ITGA9: variants seen among roughly 807,000 people sequenced by gnomAD.
ITGA9 encodes the protein integrin alpha-9.
A neutral mutation model predicts 127.8 loss-of-function variants in ITGA9; 56 were observed. That is an observed-to-expected ratio of 0.44 (90% CI 0.35 to 0.55). The LOEUF (loss-of-function observed/expected upper bound fraction) is 0.55. ITGA9 is among the 20% of genes least tolerant of loss of function. ITGA9 has a pLI of 0.00. For missense variants in ITGA9, 1,196 were observed against 1,347.1 expected (o/e 0.89, Z 1.76); for synonymous variants, 508 against 514.5 (o/e 0.99, Z 0.17).
intron 15 of ITGA9, among the ~76,000 whole-genome samples, chr3:37,571,655 T>G (rs1256996067): frequency 6.6e-6 from 1 of 152,152 alleles, no homozygotes; most frequent in Non-Finnish European, 1.5e-5. Context: ...AAGCACTTTC[T>G]GGAGATATTG....
chr3:37,541,574 A>G (rs1575143754), intron 14 of ITGA9, among the ~76,000 whole-genome samples: 1 of 151,798 alleles, frequency 6.6e-6, no homozygotes, highest in Middle Eastern at 3.4e-3. Flanking sequence ...TCTTTTTTTT[A>G]AATTCAAGAC....
chr3:37,481,711 C>T, intron 4 of ITGA9, 104 bp downstream of exon 4: 1 of 1,456,886 alleles, frequency 6.9e-7, no homozygotes, highest in South Asian at 1.1e-5. Context: ...CAGCTTTCCA[C>T]ATGCTCATGA....
rs950917011 is a variant in ITGA9, at chr3:37,570,669, T to G, written c.1689+28084T>G. Among the ~76,000 whole-genome samples, 8 of 152,206 alleles carry G rather than the reference T, an allele frequency of 5.3e-5. 1 individual carries two copies. In the South Asian group the frequency reaches 6.2e-4, roughly 12 times the overall value. The stretch of plus-strand genomic sequence containing the variant: ...ATTGCAAACTTTGACATGTGAGAGT[T>G]TCCAGAAATACAGAGATTCTTATTT... On this transcript the variant is annotated intron_variant, in intron 15 of 27. Coordinates refer to ENST00000264741, the MANE Select transcript of ITGA9 (RefSeq NM_002207.3).
At chr3:37,604,134 C>T (rs1699946474) in intron 15 of ITGA9, among the ~76,000 whole-genome samples, 1 of 152,226 alleles carries the variant, frequency 6.6e-6, no homozygotes, top group African/African-American at 2.4e-5. Context: ...CTCCTCATCA[C>T]ACTGCACAGC....
Position 37,818,452 on chromosome 3 carries a change from A to G in ITGA9, c.3010-439A>G, listed in dbSNP as rs544606140. The G allele has an allele frequency of 4.8e-4, 88 of 184,466 alleles. No homozygotes were observed. In the South Asian group the frequency reaches 8.3e-3, roughly 17 times the overall value. 11.4% of individuals were successfully genotyped at this position (184,466 alleles called of 1,614,324 possible). On this transcript the variant is annotated intron_variant, in intron 27 of 27. Coordinates refer to ENST00000264741, the MANE Select transcript of ITGA9 (RefSeq NM_002207.3). Reference sequence around the variant, plus strand: ...TAATTTTTGTATTTTTAGTAGAGACAGGGTTTCACCATGTTGGCCAGGCTG... The same window carrying G: ...TAATTTTTGTATTTTTAGTAGAGACGGGGTTTCACCATGTTGGCCAGGCTG...
chr3:37,494,168 C>G (rs1453858089), intron 4 of ITGA9, among the ~76,000 whole-genome samples: 1 of 152,186 alleles, frequency 6.6e-6, no homozygotes, highest in Non-Finnish European at 1.5e-5. Context: ...CTTGGGCCTG[C>G]AAGGGATCTC....
Position 37,752,046 on chromosome 3 carries a change from C to T in ITGA9, c.2541+1477C>T, listed in dbSNP as rs17036895. ...GACAACAAGAGTAGAAGCATAAAAG[C>T]GAGTGCATGAGGTGCTGTAGTGAAG... On this transcript the variant is annotated intron_variant, in intron 23 of 27. Coordinates refer to ENST00000264741, the MANE Select transcript of ITGA9 (RefSeq NM_002207.3). Among the ~76,000 whole-genome samples, 8 of 152,266 alleles carry T rather than the reference C, an allele frequency of 5.3e-5. No individual in the cohort carries two copies. The East Asian group carries it at 5.8e-4, about 11-fold the overall frequency.
intron 15 of ITGA9, 140 bp downstream of exon 15, chr3:37,542,725 C>A: frequency 1.1e-6 from 1 of 892,998 alleles, no homozygotes; most frequent in Non-Finnish European, 1.8e-6. Flanking sequence ...TCCATTTCTT[C>A]TTTTCTTTTA....
At chr3:37,477,984 A>G (rs1396808223) in intron 3 of ITGA9, among the ~76,000 whole-genome samples, 1 of 151,606 alleles carries the variant, frequency 6.6e-6, no homozygotes, top group Non-Finnish European at 1.5e-5. Flanking sequence ...GATTTTTTTT[A>G]AAGTGAACTT....
At chr3:37,726,572 A>T (rs10212288) in intron 18 of ITGA9, among the ~76,000 whole-genome samples, 186 of 152,306 alleles carry the variant, frequency 1.2e-3, no homozygotes, top group African/African-American at 4.2e-3. Context: ...CACGTTACAA[A>T]CAGGGCTGTA....
intron 23 of ITGA9, 59 bp from the exon 24 acceptor site, chr3:37,777,333 C>G: frequency 1.2e-6 from 2 of 1,601,248 alleles, no homozygotes; most frequent in South Asian, 1.1e-5. Context: ...ATAAGAGGCT[C>G]CAGCATCATG....
At position 37,629,119 on chromosome 3, in the gene ITGA9, A is replaced by G. The variant is rs1423413833; in HGVS notation, c.1690-68A>G. On this transcript the variant is annotated intron_variant, in intron 15 of 27. Transcript: ENST00000264741. The surrounding 1 kb of genome is among the most constrained non-coding windows in gnomAD (Gnocchi z 4.5). ...CAATTCATGTAGAAGGTCTTTGTAA[A>G]CTGTGAAATGCTCTACGACTGTCAG... 1 of 1,576,094 alleles carries G rather than the reference A, an allele frequency of 6.3e-7. No homozygotes were observed. The highest frequency in any genetic ancestry group is 8.7e-7 in the Non-Finnish European group (1 of 1,147,418).
At chr3:37,465,495 A>G (rs1031426850) in intron 1 of ITGA9, among the ~76,000 whole-genome samples, 1 of 152,190 alleles carries the variant, frequency 6.6e-6, no homozygotes, top group Non-Finnish European at 1.5e-5. Context: ...GTGACCCAAC[A>G]TCTCTGAATG....
rs1224903125 is a variant in ITGA9 at position 37,471,188 on chromosome 3, CTCT to C, written c.313+63_313+65del. 2.8e-5 allele frequency: 45 copies of C among 1,600,886 alleles called. No individual in the cohort carries two copies. In the South Asian group the frequency reaches 4.4e-4, roughly 16 times the overall value. On this transcript the variant is annotated intron_variant, in intron 2 of 27. Coordinates refer to ENST00000264741, the MANE Select transcript of ITGA9 (RefSeq NM_002207.3). ...ATGGGTTCTGTACCCTTATACCTTG[CTCT>C]TCTTCTTCCCAGGATGGCCTGATCA...
rs371228831 is a variant in ITGA9 at position 37,681,566 on chromosome 3, C to T, written c.1917-2299C>T. On this transcript the variant is annotated intron_variant, in intron 17 of 27. Coordinates refer to ENST00000264741, the MANE Select transcript of ITGA9 (RefSeq NM_002207.3). ...CCTATCTTGAGATTCCCCCAAAACA[C>T]GAGGATGTCAGGATGCTGAGTGGCC... Among the ~76,000 whole-genome samples the T allele has an allele frequency of 3.3e-3, 506 of 152,306 alleles. 5 individuals carry two copies. The highest frequency in any genetic ancestry group is 0.012 in the African/African-American group (484 of 41,568).
At chr3:37,722,605 G>A (rs560534383) in intron 18 of ITGA9, among the ~76,000 whole-genome samples, 38 of 152,290 alleles carry the variant, frequency 2.5e-4, no homozygotes, top group East Asian at 7.7e-4. Context: ...CTGTCACTTA[G>A]CGTAATGTTT....
At chr3:37,557,049 T>C (rs1699438007) in intron 15 of ITGA9, among the ~76,000 whole-genome samples, 1 of 152,184 alleles carries the variant, frequency 6.6e-6, no homozygotes, top group Non-Finnish European at 1.5e-5. Context: ...TTTCAGCAGT[T>C]TTTTTAAACT....
chr3:37,530,673 G>A (rs990856154), intron 13 of ITGA9, among the ~76,000 whole-genome samples: 1 of 144,874 alleles, frequency 6.9e-6, no homozygotes, highest in African/African-American at 2.5e-5. Flanking sequence ...GAAGTGACAG[G>A]ATTTGAACTG....
chr3:37,732,421 T>G (rs1422273880), intron 18 of ITGA9, among the ~76,000 whole-genome samples: 1 of 151,460 alleles, frequency 6.6e-6, no homozygotes, highest in Non-Finnish European at 1.5e-5. Flanking sequence ...CCTTAGGAGG[T>G]CTCCAGCTCA....
Sources: allele counts gnomAD v4.1 joint callset (sites outside exome capture counted in the v4.1 genomes callset), GRCh38; gene constraint gnomAD v4.1.1; non-coding constraint Gnocchi (gnomAD v3.1); transcripts MANE v1.5; gene names NCBI Gene and HGNC (gene_info 2026-07-23, HGNC 2026-07-21).